Variants in FRMPD3 observed in about 807,000 individuals in gnomAD.
FRMPD3 encodes the protein FERM and PDZ domain containing 3, also known as FERM and PDZ domain-containing protein 3.
In FRMPD3, 42 loss-of-function variants were observed where a neutral mutation model predicts 97.9. That is an observed-to-expected ratio of 0.43 (90% confidence interval 0.34 to 0.55). FRMPD3 has a LOEUF of 0.55. FRMPD3 is among the 20% of genes least tolerant of loss of function. The pLI, the probability that FRMPD3 is intolerant of heterozygous loss-of-function variation, is 0.03. For missense variants in FRMPD3, 1,303 were observed against 1,457.7 expected (o/e 0.89, Z 1.73); for synonymous variants, 577 against 581.1 (o/e 0.99, Z 0.10).
At chrX:107,552,285 G>A (rs189201168) in intron 6 of FRMPD3, among the ~76,000 whole-genome samples, 1 of 112,186 alleles carries the variant, frequency 8.9e-6, no homozygotes, top group African/African-American at 3.2e-5. Context: ...CATTTTGCCA[G>A]TAACTCAAGT....
At chrX:107,463,418 T>G (rs1214220646) in intron 1 of FRMPD3, among the ~76,000 whole-genome samples, 3 of 112,507 alleles carry the variant, frequency 2.7e-5, no homozygotes, top group Admixed American at 9.4e-5. Flanking sequence ...CTAAGTTACT[T>G]AACCTCTCTG....
intron 3 of FRMPD3, among the ~76,000 whole-genome samples, chrX:107,532,380 G>A (rs757292478): frequency 3.6e-5 from 4 of 112,314 alleles, no homozygotes; most frequent in Non-Finnish European, 7.5e-5. Flanking sequence ...CAGTAGGACT[G>A]GAGTTGGTAA....
intron 13 of FRMPD3, among the ~76,000 whole-genome samples, chrX:107,577,310 C>G (rs1440484559): frequency 9.3e-6 from 1 of 107,790 alleles, no homozygotes; most frequent in Non-Finnish European, 1.9e-5. Flanking sequence ...ATGGTGAAAC[C>G]CCATCTCTAC....
At position 107,602,054 on chromosome X, in the gene FRMPD3, C is replaced by T. The variant is rs779582925; in HGVS notation, c.4015C>T (p.Pro1339Ser). The change falls in exon 15 of 15, where the codon CCA becomes TCA. Residue 1339 changes from proline to serine, a missense_variant. This residue lies in a region of FRMPD3 where 764 missense variants were observed against 820.2 expected (regional missense o/e 0.93). Transcript: ENST00000683843. ...LPSQRQPEAG[P>S]GVSLSSPINV... is the part of the protein sequence containing the mutation. ...TAGCCAGAGGCAGCCAGAGGCTGGCCCAGGCGTGAGCCTCAGCAGCCCCAT... is the reference window on the plus strand; with the variant it reads ...TAGCCAGAGGCAGCCAGAGGCTGGCTCAGGCGTGAGCCTCAGCAGCCCCAT... 1 of 1,193,142 alleles carries T rather than the reference C, an allele frequency of 8.4e-7. No individual in the cohort carries two copies. Among genetic ancestry groups the T allele is most frequent in the East Asian group, 3.0e-5 (1 of 33,686 alleles).
At chrX:107,494,354 T>C (rs1163915363) in intron 1 of FRMPD3, among the ~76,000 whole-genome samples, 4 of 111,962 alleles carry the variant, frequency 3.6e-5, no homozygotes, top group African/African-American at 9.7e-5. Context: ...TGAAGCTAAA[T>C]GCAAACCCAC....
intron 7 of FRMPD3, among the ~76,000 whole-genome samples, chrX:107,553,409 T>C (rs917743727): frequency 9.3e-5 from 10 of 107,240 alleles, no homozygotes; most frequent in Non-Finnish European, 1.5e-4. Context: ...CCCACATCAA[T>C]TTACAAGGTA....
chrX:107,558,764 A>G (rs765890668), intron 8 of FRMPD3, among the ~76,000 whole-genome samples: 1 of 111,195 alleles, frequency 9.0e-6, no homozygotes, highest in East Asian at 2.8e-4. Context: ...GCTCACTGCA[A>G]CCTCCACCTC....
intron 1 of FRMPD3, among the ~76,000 whole-genome samples, chrX:107,517,469 G>A (rs780929792): frequency 5.4e-5 from 6 of 112,016 alleles, no homozygotes; most frequent in Middle Eastern, 4.6e-3. Context: ...CAGAGAAAGT[G>A]TTGACCATGG....
intron 8 of FRMPD3, among the ~76,000 whole-genome samples, chrX:107,558,209 T>A (rs1922194269): frequency 9.0e-6 from 1 of 111,280 alleles, no homozygotes. Context: ...TTTTGTAGTT[T>A]TCAGTATATA....
chrX:107,512,705 G>A (rs777248332), intron 1 of FRMPD3, among the ~76,000 whole-genome samples: 7 of 111,906 alleles, frequency 6.3e-5, no homozygotes, highest in Non-Finnish European at 1.1e-4. Flanking sequence ...GTGGGGGCTG[G>A]GGTGCCCAGG....
rs193258189 is a variant in FRMPD3 at position 107,595,777 on chromosome X, A to T, written c.1442-1544A>T. Among the ~76,000 whole-genome samples the T allele has an allele frequency of 8.2e-5, 9 of 109,743 alleles. No individual in the cohort carries two copies. The East Asian group carries it at 2.6e-3, about 31-fold the overall frequency. On this transcript the variant is annotated intron_variant, in intron 13 of 14. Coordinates refer to ENST00000683843, the MANE Select transcript of FRMPD3 (RefSeq NM_001388459.1). ...CATGGTGAAACCCCGCCTCTACCAA[A>T]AACACAAAAAATTAGTCGGGCGTGG... is the stretch of plus-strand genomic sequence containing the variant.
intron 13 of FRMPD3, among the ~76,000 whole-genome samples, chrX:107,590,231 T>C (rs1923844475): frequency 8.9e-6 from 1 of 112,587 alleles, no homozygotes; most frequent in African/African-American, 3.2e-5. Flanking sequence ...TACTTTTTCC[T>C]TTCCAATCTG....
chrX:107,529,941 T>A (rs1164405561), intron 2 of FRMPD3, among the ~76,000 whole-genome samples: 2 of 112,149 alleles, frequency 1.8e-5, no homozygotes, highest in East Asian at 2.8e-4. Flanking sequence ...ATTGACCTTA[T>A]CTGAGTTTGG....
chrX:107,531,985 G>A (rs1423453485), intron 3 of FRMPD3, among the ~76,000 whole-genome samples: 1 of 111,973 alleles, frequency 8.9e-6, no homozygotes, highest in Non-Finnish European at 1.9e-5. Flanking sequence ...AGTATTTATT[G>A]TTGTCCTCGA....
intron 6 of FRMPD3, among the ~76,000 whole-genome samples, chrX:107,550,747 T>A (rs778411354): frequency 9.0e-6 from 1 of 111,572 alleles, no homozygotes; most frequent in South Asian, 3.8e-4. Flanking sequence ...TCCTTAGGAA[T>A]AGAAGTGATG....
intron 12 of FRMPD3, among the ~76,000 whole-genome samples, chrX:107,575,796 C>G (rs560766539): frequency 8.9e-6 from 1 of 112,063 alleles, no homozygotes; most frequent in African/African-American, 3.2e-5. Flanking sequence ...AGACTTTGGC[C>G]CAAAAGGCAG....
intron 1 of FRMPD3, among the ~76,000 whole-genome samples, chrX:107,456,938 C>T (rs1931386002): frequency 8.9e-6 from 1 of 111,861 alleles, no homozygotes; most frequent in Non-Finnish European, 1.9e-5. Context: ...ATTCTGGAGG[C>T]AGGAAGACCA....
intron 8 of FRMPD3, among the ~76,000 whole-genome samples, chrX:107,559,036 C>T (rs1262893385): frequency 9.6e-6 from 1 of 104,239 alleles, no homozygotes; most frequent in African/African-American, 3.5e-5. Context: ...GTTTCGCTCT[C>T]GGCTCATTGG....
intron 9 of FRMPD3, 56 bp downstream of exon 9, chrX:107,560,449 G>T: frequency 8.5e-7 from 1 of 1,179,040 alleles, no homozygotes; most frequent in Non-Finnish European, 1.1e-6. Context: ...TAGGGAAAAG[G>T]TACACTGGTT....
Sources: gnomAD v4.1 joint callset for allele counts (sites outside exome capture counted in the v4.1 genomes callset) on GRCh38, gnomAD v4.1.1 for gene constraint, gnomAD v4.1.1 regional missense constraint, MANE v1.5 for transcripts, NCBI Gene and HGNC (gene_info 2026-07-23, HGNC 2026-07-21) for gene names.